RSRC1: variants seen among roughly 807,000 people sequenced by gnomAD.
RSRC1 encodes the protein serine/Arginine-related protein 53.
A neutral mutation model predicts 49.1 loss-of-function variants in RSRC1; 39 were observed. The ratio of observed to expected loss-of-function variants is 0.79; its 90% CI spans 0.61 to 1.04. RSRC1 has a LOEUF of 1.04. Among genes scored for constraint, RSRC1 ranks in the 50% least tolerant of loss-of-function variants. RSRC1 has a pLI of 0.00. For synonymous variants in RSRC1, 143 were observed against 130.8 expected, an observed-to-expected ratio of 1.09 and a Z score of -0.63; for missense variants, 388 against 402.4, an observed-to-expected ratio of 0.96 and a Z score of 0.31.
intron 3 of RSRC1, among the ~76,000 whole-genome samples, chr3:158,129,811 A>G (rs745976490): frequency 7.2e-5 from 11 of 152,192 alleles, no homozygotes; most frequent in Non-Finnish European, 1.0e-4. Flanking sequence ...CAACTTGACA[A>G]TTTTGTCAAA....
intron 7 of RSRC1, among the ~76,000 whole-genome samples, chr3:158,504,250 G>A (rs1739746526): frequency 6.6e-6 from 1 of 152,196 alleles, no homozygotes; most frequent in African/African-American, 2.4e-5. Context: ...TGCAGGAGCA[G>A]TCAGCTTCCT....
intron 6 of RSRC1, among the ~76,000 whole-genome samples, chr3:158,423,105 CT>C (rs1735176145): frequency 6.6e-6 from 1 of 151,854 alleles, no homozygotes; most frequent in African/African-American, 2.4e-5. Flanking sequence ...TCAATTTTGG[CT>C]TTTGTTGCCA....
At chr3:158,236,918 G>A (rs1055757585) in intron 4 of RSRC1, among the ~76,000 whole-genome samples, 1 of 152,154 alleles carries the variant, frequency 6.6e-6, no homozygotes, top group Non-Finnish European at 1.5e-5. Flanking sequence ...TCTCTGATTG[G>A]TGAATGATGG....
chr3:158,171,454 T>C (rs183816930), intron 3 of RSRC1, among the ~76,000 whole-genome samples: 239 of 152,304 alleles, frequency 1.6e-3, no homozygotes, highest in African/African-American at 5.5e-3. Flanking sequence ...GACTTTAAAG[T>C]AGCTATTACA....
At chr3:158,357,863 G>C (rs1731242663) in intron 6 of RSRC1, among the ~76,000 whole-genome samples, 1 of 152,112 alleles carries the variant, frequency 6.6e-6, no homozygotes, top group Admixed American at 6.5e-5. Flanking sequence ...CTTGACGCAG[G>C]ATTAATTTTA....
Position 158,512,933 on chromosome 3 carries a change from T to G in RSRC1, c.653-24159T>G, listed in dbSNP as rs1177799283. Among the ~76,000 whole-genome samples, 8 of 142,910 alleles carry G rather than the reference T, an allele frequency of 5.6e-5. No individual in the cohort carries two copies. In the Admixed American group the frequency reaches 5.7e-4, roughly 10 times the overall value. 93.8% of individuals were successfully genotyped at this position (142,910 alleles called of 152,430 possible). A position where few individuals can be genotyped will look rare whatever the true frequency, so the allele number is the denominator to read the frequency against. ...TCTCTGTTTGTCTGTTGTTGGTGTA[T>G]AAGAATGCTTGTGATTTTTGTACAT... On this transcript the variant is annotated intron_variant, in intron 7 of 9. Coordinates refer to ENST00000611884, the MANE Select transcript of RSRC1 (RefSeq NM_001271838.2).
intron 4 of RSRC1, among the ~76,000 whole-genome samples, chr3:158,250,154 T>C (rs966633069): frequency 6.6e-6 from 1 of 152,220 alleles, no homozygotes; most frequent in African/African-American, 2.4e-5. Context: ...TCTCATTCAT[T>C]TTTATGATTA....
Position 158,399,417 on chromosome 3 carries a change from A to G in RSRC1, c.583+44509A>G, listed in dbSNP as rs1733787904. Among the ~76,000 whole-genome samples, 13 of 144,978 alleles carry G rather than the reference A, an allele frequency of 9.0e-5. 3 individuals are homozygous for G. In the Admixed American group the frequency reaches 9.1e-4, roughly 10 times the overall value. ...GTGATCCGCCCGCCTCGGCCTCCCA[A>G]AGTGCTGGGATTACAGGCGTGAGCC... On this transcript the variant is annotated intron_variant, in intron 6 of 9. Transcript: ENST00000611884.
chr3:158,319,169 GT>G, intron 5 of RSRC1, among the ~76,000 whole-genome samples: 1 of 152,076 alleles, frequency 6.6e-6, no homozygotes, highest in Middle Eastern at 3.4e-3. Flanking sequence ...TGTAATCCCC[GT>G]GTGTCAAGGG....
intron 1 of RSRC1, 97 bp from the exon 2 acceptor site, chr3:158,122,006 A>AAAAT: frequency 1.4e-6 from 1 of 696,646 alleles, no homozygotes; most frequent in East Asian, 3.4e-5. Context: ...CCCCATCTCT[A>AAAAT]AAATAAATAA....
chr3:158,209,010 A>G (rs1186153047), intron 4 of RSRC1, among the ~76,000 whole-genome samples: 1 of 152,228 alleles, frequency 6.6e-6, no homozygotes, highest in East Asian at 1.9e-4. Flanking sequence ...ACAAATATGT[A>G]AGTAGCCACT....
intron 6 of RSRC1, among the ~76,000 whole-genome samples, chr3:158,454,077 G>A (rs1426709344): frequency 2.6e-5 from 4 of 151,810 alleles, no homozygotes; most frequent in Non-Finnish European, 5.9e-5. Context: ...TATCTACTTT[G>A]CATTTTCTCA....
intron 5 of RSRC1, among the ~76,000 whole-genome samples, chr3:158,300,966 T>C (rs943982760): frequency 1.3e-4 from 20 of 152,152 alleles, no homozygotes; most frequent in African/African-American, 4.6e-4. Flanking sequence ...AGTGTGGATC[T>C]GTGGAGAAAA....
intron 7 of RSRC1, among the ~76,000 whole-genome samples, chr3:158,487,396 G>C (rs1738855676): frequency 6.6e-6 from 1 of 152,060 alleles, no homozygotes; most frequent in African/African-American, 2.4e-5. Flanking sequence ...TTTTTCACGT[G>C]TTTTAACATC....
At chr3:158,427,419 G>A (rs766643267) in intron 6 of RSRC1, among the ~76,000 whole-genome samples, 4 of 151,718 alleles carry the variant, frequency 2.6e-5, no homozygotes, top group Non-Finnish European at 5.9e-5. Flanking sequence ...TGTAGGTGTG[G>A]CTTTATTTGT....
At chr3:158,208,447 T>C (rs1721472438) in intron 4 of RSRC1, among the ~76,000 whole-genome samples, 1 of 152,182 alleles carries the variant, frequency 6.6e-6, no homozygotes, top group African/African-American at 2.4e-5. Flanking sequence ...CACTGCAACC[T>C]TGAACTCCTG....
At chr3:158,176,271 T>A (rs1163076519) in intron 3 of RSRC1, among the ~76,000 whole-genome samples, 1 of 152,180 alleles carries the variant, frequency 6.6e-6, no homozygotes, top group Non-Finnish European at 1.5e-5. Context: ...AAGTTACCAA[T>A]GATTTTCTTC....
At chr3:158,252,119 C>G (rs556440621) in intron 4 of RSRC1, among the ~76,000 whole-genome samples, 42 of 150,280 alleles carry the variant, frequency 2.8e-4, no homozygotes, top group Admixed American at 1.3e-3. Flanking sequence ...TTGAACCATT[C>G]TTGCCTCTCT....
At chr3:158,393,306 A>G (rs1255178944) in intron 6 of RSRC1, among the ~76,000 whole-genome samples, 5 of 152,088 alleles carry the variant, frequency 3.3e-5, no homozygotes, top group Non-Finnish European at 7.4e-5. Flanking sequence ...AAGACAAGAA[A>G]TAACCAAAAT....
Sources: gnomAD v4.1 joint callset for allele counts (sites outside exome capture counted in the v4.1 genomes callset) on GRCh38, gnomAD v4.1.1 for gene constraint, MANE v1.5 for transcripts, NCBI Gene and HGNC (gene_info 2026-07-23, HGNC 2026-07-21) for gene names.